EPHA5: variants seen among roughly 807,000 people sequenced by gnomAD.
EPHA5 encodes ephrin type-A receptor 5.
In EPHA5, 60 loss-of-function variants were observed where a neutral mutation model predicts 105.0. The ratio of observed to expected loss-of-function variants is 0.57; its 90% CI spans 0.46 to 0.71. The LOEUF (loss-of-function observed/expected upper bound fraction) is 0.71, where lower values mean the gene tolerates loss of function less well. Ranked by LOEUF, EPHA5 falls within the 30% of genes least tolerant of loss-of-function variation. The pLI, the probability that EPHA5 is intolerant of heterozygous loss-of-function variation, is 0.00. For synonymous variants in EPHA5, 513 were observed against 449.1 expected (o/e 1.14, Z -1.80); for missense variants, 1,218 against 1,274.7 (o/e 0.96, Z 0.68).
intron 4 of EPHA5, 27 bp from the exon 5 acceptor site, chr4:65,490,739 A>ATTTTACTTTTAC: frequency 6.2e-7 from 1 of 1,600,196 alleles, no homozygotes; most frequent in Non-Finnish European, 8.5e-7. Context: ...AGTAAGAAAA[A>ATTTTACTTTTAC]CATATTTTAA....
At chr4:65,378,959 C>CA (rs952984429) in intron 8 of EPHA5, among the ~76,000 whole-genome samples, 26 of 151,446 alleles carry the variant, frequency 1.7e-4, no homozygotes, top group Admixed American at 1.1e-3. Context: ...TTCAACCCAA[C>CA]AAAAAAATGA....
At chr4:65,402,905 T>C (rs1721988124) in intron 8 of EPHA5, among the ~76,000 whole-genome samples, 1 of 152,118 alleles carries the variant, frequency 6.6e-6, no homozygotes, top group East Asian at 1.9e-4. Flanking sequence ...AGCAGGGATA[T>C]AGGTTGTGCA....
At chr4:65,420,589 G>A (rs2149037645) in intron 5 of EPHA5, 24 bp from the exon 6 acceptor site, 1 of 1,607,946 alleles carries the variant, frequency 6.2e-7, no homozygotes, top group East Asian at 2.2e-5. Flanking sequence ...TAAATAAGGA[G>A]CAGTATGATT....
intron 1 of EPHA5, among the ~76,000 whole-genome samples, chr4:65,668,805 C>T (rs1750188403): frequency 6.6e-6 from 1 of 151,940 alleles, no homozygotes; most frequent in Non-Finnish European, 1.5e-5. Flanking sequence ...TAAGACATGC[C>T]CAGGTGGGTT....
chr4:65,563,637 AAG>A (rs1378646647), intron 3 of EPHA5, among the ~76,000 whole-genome samples: 1 of 152,050 alleles, frequency 6.6e-6, no homozygotes, highest in Non-Finnish European at 1.5e-5. Flanking sequence ...GTGTAGCAGA[AAG>A]TACCAAATCC....
At chr4:65,401,132 A>G (rs1424164324) in intron 8 of EPHA5, among the ~76,000 whole-genome samples, 1 of 151,942 alleles carries the variant, frequency 6.6e-6, no homozygotes, top group Admixed American at 6.6e-5. Flanking sequence ...ATATAATCCT[A>G]TATTTTTACA....
chr4:65,460,333 C>T (rs1578165648), intron 5 of EPHA5, among the ~76,000 whole-genome samples: 1 of 151,208 alleles, frequency 6.6e-6, no homozygotes, highest in Non-Finnish European at 1.5e-5. Context: ...ATGAAGATAG[C>T]TAGCCATAGT....
rs906698876 is a variant in EPHA5, at chr4:65,357,239, G to A, written c.2174-4136C>T. ...ATTATAATAGACTTTTTCAGAGAAG[G>A]CAAGTAAGGCTCAGAAAGGTTCAAT... On this transcript the variant is annotated intron_variant, in intron 11 of 16. Coordinates refer to ENST00000613740, the MANE Select transcript of EPHA5 (RefSeq NM_001281766.3). Among the ~76,000 whole-genome samples, 6 of 151,294 alleles carry A rather than the reference G, an allele frequency of 4.0e-5. No individual in the cohort carries two copies. The East Asian group carries it at 9.7e-4, about 25-fold the overall frequency.
At chr4:65,408,773 T>A (rs1185139648) in intron 7 of EPHA5, among the ~76,000 whole-genome samples, 2 of 151,756 alleles carry the variant, frequency 1.3e-5, no homozygotes, top group African/African-American at 2.4e-5. Flanking sequence ...ATTGTGGAAG[T>A]CAGTGTGGCG....
At chr4:65,523,925 G>T (rs577340299) in intron 3 of EPHA5, among the ~76,000 whole-genome samples, 2 of 151,896 alleles carry the variant, frequency 1.3e-5, no homozygotes, top group Admixed American at 1.3e-4. Flanking sequence ...ATTAAGCCAG[G>T]TCCATAAAAG....
intron 3 of EPHA5, among the ~76,000 whole-genome samples, chr4:65,496,657 CTT>C (rs1214655761): frequency 6.6e-6 from 1 of 151,706 alleles, no homozygotes; most frequent in African/African-American, 2.4e-5. Context: ...GGTTCCAAGT[CTT>C]TGCTATTGTG....
At position 65,529,428 on chromosome 4, in the gene EPHA5, T is replaced by C. The variant is rs75222981; in HGVS notation, c.911-33885A>G. Among the ~76,000 whole-genome samples the C allele has an allele frequency of 4.4e-3, 668 of 152,202 alleles. 6 individuals are homozygous for C. The highest frequency in any genetic ancestry group is 6.1e-3 in the Non-Finnish European group (418 of 67,982). ...TCTGTGTGCATACGTATGCATATTATATGCACACACACAAATGCATATTAT... is the reference window on the plus strand; with the variant it reads ...TCTGTGTGCATACGTATGCATATTACATGCACACACACAAATGCATATTAT... On this transcript the variant is annotated intron_variant, in intron 3 of 16. Coordinates refer to ENST00000613740, the MANE Select transcript of EPHA5 (RefSeq NM_001281766.3).
At chr4:65,633,586 T>C (rs1166486615) in intron 2 of EPHA5, among the ~76,000 whole-genome samples, 1 of 151,994 alleles carries the variant, frequency 6.6e-6, no homozygotes, top group African/African-American at 2.4e-5. Context: ...AAAATAACTT[T>C]AGGCCTGGGT....
chr4:65,597,390 T>C (rs896104668), intron 3 of EPHA5, among the ~76,000 whole-genome samples: 1 of 152,096 alleles, frequency 6.6e-6, no homozygotes, highest in Non-Finnish European at 1.5e-5. Flanking sequence ...CAATTACTTC[T>C]GTCAAAAACA....
At chr4:65,576,043 AAAGAAAGAAAG>A (rs1740916515) in intron 3 of EPHA5, among the ~76,000 whole-genome samples, 2 of 107,938 alleles carry the variant, frequency 1.9e-5, no homozygotes, top group African/African-American at 3.6e-5. Flanking sequence ...AGAAAGAAAG[AAAGAAAGAAAG>A]AAAGAAAAGA....
intron 3 of EPHA5, among the ~76,000 whole-genome samples, chr4:65,544,635 T>C (rs969805552): frequency 6.6e-6 from 1 of 152,030 alleles, no homozygotes; most frequent in African/African-American, 2.4e-5. Flanking sequence ...GGCAGGAATG[T>C]AAATTCGTTC....
intron 3 of EPHA5, among the ~76,000 whole-genome samples, chr4:65,592,615 A>C (rs186837899): frequency 4.5e-4 from 69 of 152,354 alleles, no homozygotes; most frequent in African/African-American, 1.6e-3. Flanking sequence ...AAGAAAGCAC[A>C]ACCTTCAAGA....
In EPHA5 at chr4:65,584,517, A is replaced by G. The variant is rs183663066; in HGVS notation, c.910+17124T>C. Among the ~76,000 whole-genome samples the G allele has an allele frequency of 1.8e-4, 28 of 152,032 alleles. No individual in the cohort carries two copies. The East Asian group carries it at 5.2e-3, about 28-fold the overall frequency. On this transcript the variant is annotated intron_variant, in intron 3 of 16. Coordinates refer to ENST00000613740, the MANE Select transcript of EPHA5 (RefSeq NM_001281766.3). ...TCAAATGTGACAAAGCATAACCTAA[A>G]CATATCAACTTTTCCTTTATGACAT...
chr4:65,420,487 C>T lies in EPHA5; in HGVS notation c.1481G>A (p.Arg494His), dbSNP rs777851171. 6.2e-6 allele frequency: 10 copies of T among 1,612,344 alleles called. No individual in the cohort carries two copies. The highest frequency in any genetic ancestry group is 4.5e-5 in the East Asian group (2 of 44,722). The change falls in exon 6 of 17, where the codon CGT becomes CAT. Residue 494 changes from arginine (R) to histidine (H), a missense_variant. Transcript: ENST00000613740. ...SISLSWQEPD[R>H]PNGIILEYEI... ...ATACTCTAGGATGATTCCATTGGGA[C>T]GATCTGGTTCTTGCCAAGACAAAGA...
Sources: gnomAD v4.1 joint callset for allele counts (sites outside exome capture counted in the v4.1 genomes callset) on GRCh38, gnomAD v4.1.1 for gene constraint, MANE v1.5 for transcripts, NCBI Gene and HGNC (gene_info 2026-07-23, HGNC 2026-07-21) for gene names.